TTBK2: variants seen among roughly 807,000 people sequenced by gnomAD.
The protein encoded by TTBK2 is tau tubulin kinase 2, also known as tau-tubulin kinase 2.
A neutral mutation model predicts 110.8 loss-of-function variants in TTBK2; 28 were observed. The observed-to-expected ratio is 0.25, with a 90% CI of 0.19 to 0.35. The LOEUF (loss-of-function observed/expected upper bound fraction) is 0.35, where lower values mean the gene tolerates loss of function less well. Among genes scored for constraint, TTBK2 ranks in the 10% least tolerant of loss-of-function variants. The pLI, the probability that TTBK2 is intolerant of heterozygous loss-of-function variation, is 1.00. For missense variants in TTBK2, 1,369 were observed against 1,500.3 expected, an observed-to-expected ratio of 0.91 and a Z score of 1.45; for synonymous variants, 532 against 527.3, an observed-to-expected ratio of 1.01 and a Z score of -0.12.
chr15:42,738,870 G>A lies in TTBK2; in HGVS notation c.*6925C>T, dbSNP rs1362844173. The A allele has an allele frequency of 1.3e-5, 2 of 152,136 alleles. 1 individual carries two copies. Among genetic ancestry groups the A allele is most frequent in the Admixed American group, 1.3e-4 (2 of 15,268 alleles). The allele number at this position is 152,136 out of a possible 1,614,324, so 9.4% of individuals were successfully genotyped here. On this transcript the variant is annotated 3_prime_UTR_variant, in exon 15 of 15. Coordinates refer to ENST00000267890, the MANE Select transcript of TTBK2 (RefSeq NM_173500.4). Reference sequence around the variant, plus strand: ...TACTGCATTTACAGTAACACTATCTGCTCCCCGTTGATCTTGTAACATCTG... The same window carrying A: ...TACTGCATTTACAGTAACACTATCTACTCCCCGTTGATCTTGTAACATCTG...
chr15:42,763,139 C>T (rs796486329), intron 13 of TTBK2, among the ~76,000 whole-genome samples: 752 of 57,164 alleles, frequency 0.013, 48 homozygotes, highest in African/African-American at 0.065. Flanking sequence ...TACATATATA[C>T]ATACATATAT....
At chr15:42,746,630 C>T (rs2061797977) in intron 14 of TTBK2, among the ~76,000 whole-genome samples, 1 of 152,044 alleles carries the variant, frequency 6.6e-6, no homozygotes. Context: ...AGCATGTTAG[C>T]ACATAAGACA....
intron 8 of TTBK2, among the ~76,000 whole-genome samples, chr15:42,811,031 C>T (rs1236325136): frequency 6.6e-6 from 1 of 152,130 alleles, no homozygotes; most frequent in East Asian, 1.9e-4. Flanking sequence ...TGCTCTGTCA[C>T]CCAGGCTGAA....
intron 1 of TTBK2, among the ~76,000 whole-genome samples, chr15:42,892,704 C>CAAAAA (rs35331798): frequency 1.1e-4 from 4 of 37,916 alleles, no homozygotes; most frequent in Non-Finnish European, 1.4e-4. Context: ...GACCCTGTCT[C>CAAAAA]AAAAAAAAAA....
At chr15:42,858,190 C>T (rs893162910) in intron 3 of TTBK2, among the ~76,000 whole-genome samples, 3 of 152,260 alleles carry the variant, frequency 2.0e-5, no homozygotes, top group Non-Finnish European at 4.4e-5. Flanking sequence ...AATTTTGATA[C>T]ATCTCCAAAC....
chr15:42,761,015 C>G (rs1187746732), intron 13 of TTBK2, among the ~76,000 whole-genome samples: 1 of 152,136 alleles, frequency 6.6e-6, no homozygotes, highest in African/African-American at 2.4e-5. Flanking sequence ...ATCAGAGAAT[C>G]CAGAAATAGA....
intron 13 of TTBK2, among the ~76,000 whole-genome samples, chr15:42,763,180 A>G (rs1294868466): frequency 1.3e-3 from 25 of 18,700 alleles, no homozygotes; most frequent in African/African-American, 4.4e-3. Context: ...ATATATATAT[A>G]TATATATATA....
rs960191942 is a variant in TTBK2, at chr15:42,872,700, G to A, written c.128C>T (p.Thr43Ile). The A allele has an allele frequency of 4.3e-6, 7 of 1,613,814 alleles. No homozygotes were observed. In the African/African-American group the frequency reaches 9.4e-5, roughly 22 times the overall value. Reference protein sequence around the residue: ...GEIYDALDMLTRENVALKVES... With the variant: ...GEIYDALDMLIRENVALKVES... ...CACCTTCAGTGCAACATTTTCCCTG[G>A]TGAGCATGTCCAAGGCATCGTAAAT... is the stretch of plus-strand genomic sequence containing the variant. Residue 43 changes from threonine to isoleucine, a missense_variant, in exon 3 of 15, where the codon ACC becomes ATC. Coordinates refer to ENST00000267890, the MANE Select transcript of TTBK2 (RefSeq NM_173500.4).
At chr15:42,900,150 G>A (rs576873703) in intron 1 of TTBK2, among the ~76,000 whole-genome samples, 1 of 150,766 alleles carries the variant, frequency 6.6e-6, no homozygotes, top group South Asian at 2.1e-4. Flanking sequence ...CCACCACCAC[G>A]CCCGGCCAAT....
intron 9 of TTBK2, among the ~76,000 whole-genome samples, chr15:42,806,180 C>A (rs145171327): frequency 0.038 from 5,815 of 152,258 alleles, 351 homozygotes; most frequent in African/African-American, 0.13. Flanking sequence ...CAGAGAATCA[C>A]TTGAACCCAG....
At chr15:42,909,564 T>C (rs756076496) in intron 1 of TTBK2, among the ~76,000 whole-genome samples, 12 of 152,204 alleles carry the variant, frequency 7.9e-5, no homozygotes, top group Non-Finnish European at 1.8e-4. Flanking sequence ...AACATATTCA[T>C]GTGCTGGGGA....
intron 1 of TTBK2, among the ~76,000 whole-genome samples, chr15:42,901,522 C>T (rs2030007361): frequency 1.3e-5 from 2 of 151,756 alleles, no homozygotes; most frequent in East Asian, 1.9e-4. Flanking sequence ...TAGCATGTGC[C>T]TGTAGTCCCA....
intron 1 of TTBK2, among the ~76,000 whole-genome samples, chr15:42,918,944 ATAT>A (rs2031229407): frequency 6.6e-6 from 1 of 152,190 alleles, no homozygotes; most frequent in Non-Finnish European, 1.5e-5. Context: ...CATCAACTTG[ATAT>A]TATATATTAA....
chr15:42,775,429 C>A lies in TTBK2; in HGVS notation c.1704G>T (p.Glu568Asp). 1 of 1,614,202 alleles carries A rather than the reference C, an allele frequency of 6.2e-7. No individual in the cohort carries two copies. Among genetic ancestry groups the A allele is most frequent in the Non-Finnish European group, 8.5e-7 (1 of 1,180,034 alleles). Reference protein sequence around the residue: ...EQDLQDFRTNEAVGHKTTGSP... With the variant: ...EQDLQDFRTNDAVGHKTTGSP... ...TTCCAGTTGTTTTATGTCCTACAGC[C>A]TCATTTGTCCTAAAATCCTGAAGGT... Residue 568 changes from glutamate to aspartate, a missense_variant, in exon 13 of 15, where the codon GAG (glutamate) becomes GAT (aspartate). By Grantham distance (45) the Glu-to-Asp change is conservative. Around this residue, in one of 4 missense-constraint regions of TTBK2, gnomAD observed 1,097 missense variants for 1,114.7 expected, o/e 0.98. Coordinates refer to ENST00000267890, the MANE Select transcript of TTBK2 (RefSeq NM_173500.4).
At position 42,763,084 on chromosome 15, in the gene TTBK2, T is replaced by TATATATATATATATATA. The variant is rs1567008356; in HGVS notation, c.1999-9838_1999-9837insTATATATATATATATAT. The stretch of plus-strand genomic sequence containing the variant: ...TATAGGATGATTACAGTTAACAATT[T>TATATATATATATATATA]TATATATATATATATATACGTATAT... On this transcript the variant is annotated intron_variant, in intron 13 of 14. Coordinates refer to ENST00000267890, the MANE Select transcript of TTBK2 (RefSeq NM_173500.4). Among the ~76,000 whole-genome samples the TATATATATATATATATA allele has an allele frequency of 8.3e-5, 9 of 108,794 alleles. No individual in the cohort carries two copies. In the East Asian group the frequency reaches 2.2e-3, roughly 27 times the overall value. 71.4% of individuals were successfully genotyped at this position (108,794 alleles called of 152,430 possible).
intron 3 of TTBK2, among the ~76,000 whole-genome samples, chr15:42,849,261 C>T (rs1203877171): frequency 6.6e-6 from 1 of 151,962 alleles, no homozygotes; most frequent in Non-Finnish European, 1.5e-5. Context: ...TGCTATTGAG[C>T]CCATTCAGTG....
chr15:42,919,868 CT>C (rs1187020760), intron 1 of TTBK2: 1 of 968,012 alleles, frequency 1.0e-6, no homozygotes, highest in Non-Finnish European at 1.2e-6. Flanking sequence ...ATACGTGAGT[CT>C]TTTGTCCCTC....
In TTBK2 at chr15:42,752,615, C is replaced by T. The variant is rs767024763; in HGVS notation, c.2631G>A (p.Lys877=). The T allele has an allele frequency of 1.2e-6, 2 of 1,614,138 alleles. No individual in the cohort carries two copies. The highest frequency in any genetic ancestry group is 1.7e-6 in the Non-Finnish European group (2 of 1,180,038). ...TCATGATGTCATCATCCTTAGATAT[C>T]TTATTTTTTTGCATTTCTGCCACTT... is the stretch of plus-strand genomic sequence containing the variant. ...IGQVAEMQKN[K]ISKDDDIMSE... Residue 877 remains lysine, a synonymous_variant, in exon 14 of 15, where the codon AAG becomes AAA. Coordinates refer to ENST00000267890, the MANE Select transcript of TTBK2 (RefSeq NM_173500.4).
At chr15:42,764,488 G>A (rs749493471) in intron 13 of TTBK2, among the ~76,000 whole-genome samples, 2 of 152,248 alleles carry the variant, frequency 1.3e-5, no homozygotes, top group Admixed American at 6.5e-5. Flanking sequence ...CCACGCCCAC[G>A]GAGCCTTGCT....
Sources: gnomAD v4.1 joint callset for allele counts (sites outside exome capture counted in the v4.1 genomes callset) on GRCh38, gnomAD v4.1.1 for gene constraint, gnomAD v4.1.1 regional missense constraint, MANE v1.5 for transcripts, NCBI Gene and HGNC (gene_info 2026-07-23, HGNC 2026-07-21) for gene names.